TECPR2: variants seen among roughly 807,000 people sequenced by gnomAD.
TECPR2 encodes tectonin beta-propeller repeat containing 2, also known as tectonin beta-propeller repeat-containing protein 2.
In TECPR2, 65 loss-of-function variants were observed where a neutral mutation model predicts 138.1. The ratio of observed to expected loss-of-function variants is 0.47; its 90% confidence interval spans 0.39 to 0.58. TECPR2 has a LOEUF of 0.58. TECPR2 is among the 20% of genes least tolerant of loss of function. The pLI, the probability that TECPR2 is intolerant of heterozygous loss-of-function variation, is 0.00. For missense variants in TECPR2, 1,553 were observed against 1,824.5 expected, an observed-to-expected ratio of 0.85 and a Z score of 2.71; for synonymous variants, 746 against 749.8, an observed-to-expected ratio of 0.99 and a Z score of 0.08.
chr14:102,453,004 C>G (rs1890187339), intron 16 of TECPR2, among the ~76,000 whole-genome samples: 1 of 152,180 alleles, frequency 6.6e-6, no homozygotes, highest in African/African-American at 2.4e-5. Flanking sequence ...TTCCCTATGA[C>G]AGGATCAGTG....
chr14:102,487,708 A>AT (rs1567362221), intron 17 of TECPR2, among the ~76,000 whole-genome samples: 1 of 150,836 alleles, frequency 6.6e-6, no homozygotes, highest in African/African-American at 2.4e-5. Context: ...CGCCTGGCTA[A>AT]TTTTTTGTAT....
At chr14:102,450,733 T>C (rs1890118245) in intron 15 of TECPR2, 84 bp downstream of exon 15, 1 of 1,372,852 alleles carries the variant, frequency 7.3e-7, no homozygotes, top group African/African-American at 1.4e-5. Context: ...ACTGTGGCCT[T>C]GTTGGTTATG....
intron 15 of TECPR2, 85 bp from the exon 16 acceptor site, chr14:102,452,309 G>A: frequency 7.1e-7 from 1 of 1,405,458 alleles, no homozygotes; most frequent in Non-Finnish European, 9.7e-7. Context: ...AGCGTCTGCT[G>A]AAAGGCAAAG....
At chr14:102,378,360 G>A (rs1484838982) in intron 2 of TECPR2, among the ~76,000 whole-genome samples, 1 of 152,096 alleles carries the variant, frequency 6.6e-6, no homozygotes, top group Non-Finnish European at 1.5e-5. Context: ...CCCTTTCTAT[G>A]TGTCAGACAT....
At chr14:102,382,096 A>G (rs1887843948) in intron 2 of TECPR2, among the ~76,000 whole-genome samples, 1 of 152,188 alleles carries the variant, frequency 6.6e-6, no homozygotes, top group East Asian at 1.9e-4. Context: ...GATCGAGACC[A>G]TCCAGGCTAA....
chr14:102,402,176 T>TGATAAA (rs1195671276), intron 2 of TECPR2, among the ~76,000 whole-genome samples: 2 of 152,218 alleles, frequency 1.3e-5, no homozygotes, highest in Non-Finnish European at 2.9e-5. Context: ...CAATAGATTT[T>TGATAAA]AAAAGATATA....
intron 6 of TECPR2, among the ~76,000 whole-genome samples, chr14:102,425,949 A>G (rs1447744194): frequency 4.1e-5 from 6 of 146,662 alleles, no homozygotes; most frequent in Non-Finnish European, 9.0e-5. Context: ...CAGTGGTGCA[A>G]TCTGGGCTCA....
At chr14:102,416,190 T>C (rs1218741695) in intron 5 of TECPR2, among the ~76,000 whole-genome samples, 2 of 152,108 alleles carry the variant, frequency 1.3e-5, no homozygotes, top group Non-Finnish European at 2.9e-5. Flanking sequence ...GGTGCGATCT[T>C]GGCTCACTGC....
intron 5 of TECPR2, among the ~76,000 whole-genome samples, chr14:102,424,777 C>G (rs575984703): frequency 6.6e-6 from 1 of 152,302 alleles, no homozygotes; most frequent in African/African-American, 2.4e-5. Context: ...GGGCACACAC[C>G]TGTGAGGGTG....
At chr14:102,437,830 C>T (rs181452130) in intron 9 of TECPR2, among the ~76,000 whole-genome samples, 192 bp from the exon 10 acceptor site, 4 of 152,236 alleles carry the variant, frequency 2.6e-5, no homozygotes, top group East Asian at 1.9e-4. Flanking sequence ...GACAGCAGCA[C>T]GCGTCTCAGA....
intron 2 of TECPR2, among the ~76,000 whole-genome samples, chr14:102,403,427 T>C (rs755099578): frequency 3.9e-5 from 6 of 152,184 alleles, no homozygotes; most frequent in Non-Finnish European, 8.8e-5. Context: ...TTATACTTAA[T>C]GGTAAAAAAC....
At chr14:102,492,845 C>T (rs751842718) in intron 17 of TECPR2, among the ~76,000 whole-genome samples, 19 of 152,246 alleles carry the variant, frequency 1.2e-4, no homozygotes, top group Admixed American at 6.5e-5. Flanking sequence ...TCTGTTCTAG[C>T]GGCTTCTAGT....
intron 17 of TECPR2, among the ~76,000 whole-genome samples, chr14:102,494,103 C>T (rs937690214): frequency 3.3e-5 from 5 of 152,150 alleles, no homozygotes; most frequent in Admixed American, 3.3e-4. Flanking sequence ...CCTGAGAGCC[C>T]CATCCAGCCC....
rs917867269 is a variant in TECPR2, at chr14:102,425,129, G to A, written c.789G>A (p.Gly263=). ...ATFILKDAFA[G]GVKPFELHPR... is the part of the protein sequence containing the mutation. Reference sequence around the variant, plus strand: ...TTATCTTAAAAGATGCTTTTGCCGGGGGAGTCAAGCCTTTTGAACTGCACC... The same window carrying A: ...TTATCTTAAAAGATGCTTTTGCCGGAGGAGTCAAGCCTTTTGAACTGCACC... The change falls in exon 6 of 20, where the codon GGG becomes GGA. Residue 263 remains glycine, a synonymous_variant. Transcript: ENST00000359520. 3.7e-6 allele frequency: 6 copies of A among 1,614,148 alleles called. No homozygotes were observed. The highest frequency in any genetic ancestry group is 2.2e-5 in the East Asian group (1 of 44,882).
intron 1 of TECPR2, among the ~76,000 whole-genome samples, chr14:102,371,194 T>C (rs1887498732): frequency 6.6e-6 from 1 of 152,172 alleles, no homozygotes; most frequent in Admixed American, 6.6e-5. Flanking sequence ...GTTCTGTGGC[T>C]GTGGGTCTGA....
intron 17 of TECPR2, among the ~76,000 whole-genome samples, chr14:102,476,884 G>A (rs750980048): frequency 5.3e-5 from 8 of 151,850 alleles, no homozygotes; most frequent in South Asian, 4.2e-4. Flanking sequence ...GCAAAACCCC[G>A]TCTGTACAAA....
At chr14:102,450,296 T>G (rs1468249549) in intron 14 of TECPR2, among the ~76,000 whole-genome samples, 2 of 152,136 alleles carry the variant, frequency 1.3e-5, no homozygotes, top group African/African-American at 4.8e-5. Flanking sequence ...TGGGGTTTGT[T>G]TCTGTGAGTG....
At chr14:102,491,041 C>G (rs185068736) in intron 17 of TECPR2, among the ~76,000 whole-genome samples, 1 of 152,232 alleles carries the variant, frequency 6.6e-6, no homozygotes, top group East Asian at 1.9e-4. Flanking sequence ...ATTACAGGCG[C>G]ATGCCACCAT....
chr14:102,399,574 T>C (rs1888414343), intron 2 of TECPR2, among the ~76,000 whole-genome samples: 1 of 152,156 alleles, frequency 6.6e-6, no homozygotes, highest in Non-Finnish European at 1.5e-5. Context: ...CTCATGCCTG[T>C]AATCCCATCA....
Sources: gnomAD v4.1 joint callset for allele counts (sites outside exome capture counted in the v4.1 genomes callset) on GRCh38, gnomAD v4.1.1 for gene constraint, MANE v1.5 for transcripts, NCBI Gene and HGNC (gene_info 2026-07-23, HGNC 2026-07-21) for gene names.